SLCO3A1: variants seen among roughly 807,000 people sequenced by gnomAD.
SLCO3A1 encodes PGE1 transporter.
A neutral mutation model predicts 63.1 loss-of-function variants in SLCO3A1; 27 were observed. The ratio of observed to expected loss-of-function variants is 0.43; its 90% CI spans 0.32 to 0.59. SLCO3A1 has a LOEUF of 0.59. Among genes scored for constraint, SLCO3A1 ranks in the 20% least tolerant of loss-of-function variants. The pLI is 0.09. For missense variants in SLCO3A1, 773 were observed against 945.8 expected, an observed-to-expected ratio of 0.82 and a Z score of 2.40; for synonymous variants, 473 against 409.9, an observed-to-expected ratio of 1.15 and a Z score of -1.86.
intron 3 of SLCO3A1, chr15:92,098,313 A>C (rs2047564241): frequency 6.6e-6 from 1 of 152,294 alleles, no homozygotes; most frequent in South Asian, 2.1e-4. Context: ...CCTTGCCTGG[A>C]GGTCCCAGCT....
intron 1 of SLCO3A1, chr15:91,888,962 T>G (rs1897797743): frequency 3.5e-6 from 1 of 283,138 alleles, no homozygotes; most frequent in Non-Finnish European, 6.6e-6. Flanking sequence ...GGAGCTGTGA[T>G]CATGCTATTG....
At chr15:92,171,840 A>C in exon 11 of SLCO3A1, 1 of 1,551,550 alleles carries the variant, frequency 6.4e-7, no homozygotes, top group East Asian at 2.4e-5. Flanking sequence ...TCACCTTCAG[A>C]AGACTCCTTT....
intron 2 of SLCO3A1, among the ~76,000 whole-genome samples, chr15:92,029,599 A>T (rs1367904341): frequency 6.6e-6 from 1 of 152,196 alleles, no homozygotes; most frequent in Non-Finnish European, 1.5e-5. Context: ...TAAGCAGGAA[A>T]ATAAGAATCA....
intron 1 of SLCO3A1, among the ~76,000 whole-genome samples, chr15:91,867,001 G>A (rs947214461): frequency 3.9e-5 from 6 of 152,194 alleles, no homozygotes; most frequent in Admixed American, 3.9e-4. Flanking sequence ...TGGCTGCGGA[G>A]AGTCATTGGA....
chr15:92,073,844 G>A (rs1455227639), intron 2 of SLCO3A1, among the ~76,000 whole-genome samples: 1 of 152,208 alleles, frequency 6.6e-6, no homozygotes, highest in East Asian at 1.9e-4. Context: ...GGGCAAAGTT[G>A]CCACTGGTTA....
intron 2 of SLCO3A1, among the ~76,000 whole-genome samples, chr15:92,053,318 C>T (rs1703590338): frequency 6.6e-6 from 1 of 152,130 alleles, no homozygotes; most frequent in Non-Finnish European, 1.5e-5. Flanking sequence ...AATAGATTTA[C>T]AGAAGAGTTC....
chr15:92,147,314 A>G (rs1168238075), intron 8 of SLCO3A1, among the ~76,000 whole-genome samples, 155 bp downstream of exon 8: 2 of 152,084 alleles, frequency 1.3e-5, no homozygotes, highest in African/African-American at 4.8e-5. Context: ...GATAGGAATC[A>G]ATTATGTTTG....
chr15:92,055,093 G>A lies in SLCO3A1; in HGVS notation c.647-39788G>A, dbSNP rs188098208. ...ACAGTGTAAAAGCATTCCTATTCCT[G>A]CACAGCCTTGCCAGCATTTATTATT... On this transcript the variant is annotated intron_variant, in intron 2 of 9. Coordinates refer to ENST00000318445, the MANE Select transcript of SLCO3A1 (RefSeq NM_013272.4). Among the ~76,000 whole-genome samples the A allele has an allele frequency of 7.2e-5, 11 of 152,216 alleles. No homozygotes were observed. The East Asian group carries it at 1.5e-3, about 21-fold the overall frequency.
At chr15:91,944,214 C>T (rs1899721661) in intron 2 of SLCO3A1, among the ~76,000 whole-genome samples, 1 of 129,790 alleles carries the variant, frequency 7.7e-6, no homozygotes, top group Admixed American at 8.2e-5. Flanking sequence ...TAAGTGTTCA[C>T]CATTATTTGT....
intron 3 of SLCO3A1, among the ~76,000 whole-genome samples, chr15:92,096,987 G>C (rs914943200): frequency 5.9e-5 from 9 of 152,156 alleles, no homozygotes; most frequent in Admixed American, 5.9e-4. Flanking sequence ...CGTATAGACA[G>C]GCCAGCTTCC....
intron 2 of SLCO3A1, among the ~76,000 whole-genome samples, chr15:92,058,220 G>C (rs992937661): frequency 1.3e-5 from 2 of 152,092 alleles, no homozygotes; most frequent in African/African-American, 4.8e-5. Flanking sequence ...TCTAGAAGGT[G>C]GAGGGTGTTT....
intron 1 of SLCO3A1, among the ~76,000 whole-genome samples, chr15:91,857,266 C>T (rs780958457): frequency 6.6e-6 from 1 of 152,118 alleles, no homozygotes; most frequent in Non-Finnish European, 1.5e-5. Flanking sequence ...AGACACTGAT[C>T]CTGAAAGCCA....
chr15:92,114,842 C>G (rs964415517), intron 4 of SLCO3A1, among the ~76,000 whole-genome samples: 1 of 152,082 alleles, frequency 6.6e-6, no homozygotes, highest in Non-Finnish European at 1.5e-5. Flanking sequence ...GACCTTAGTT[C>G]AAATCCACCC....
chr15:91,922,387 T>C (rs1053458366), intron 2 of SLCO3A1, among the ~76,000 whole-genome samples: 2 of 152,216 alleles, frequency 1.3e-5, no homozygotes, highest in Admixed American at 1.3e-4. Flanking sequence ...CACGTTTTCT[T>C]TGTTTATCAC....
chr15:92,080,725 A>G lies in SLCO3A1; in HGVS notation c.647-14156A>G, dbSNP rs143008684. On this transcript the variant is annotated intron_variant, in intron 2 of 9. Coordinates refer to ENST00000318445, the MANE Select transcript of SLCO3A1 (RefSeq NM_013272.4). ...TGAGTGCTCACACTCGTGGCGGCAT[A>G]CAGTGCTGCTTTGGCTGGCTTTACG... is the stretch of plus-strand genomic sequence containing the variant. 1.4e-3 allele frequency among the ~76,000 whole-genome samples: 218 copies of G among 152,314 alleles called. 2 individuals are homozygous for G. The highest frequency in any genetic ancestry group is 4.9e-3 in the African/African-American group (202 of 41,576).
Position 92,164,772 on chromosome 15 carries a change from G to A in SLCO3A1, c.*1637G>A. On this transcript the variant is annotated 3_prime_UTR_variant, in exon 10 of 10. Transcript: ENST00000318445. ...AGAGAATGAACCTGTTATGATTTGG[G>A]GTAAGAATCACGTTGGAAAACCTCT... 1.0e-6 allele frequency: 1 copy of A among 985,396 alleles called. No individual in the cohort carries two copies. The highest frequency in any genetic ancestry group is 1.2e-6 in the Non-Finnish European group (1 of 829,952). 61.0% of individuals were successfully genotyped at this position (985,396 alleles called of 1,614,324 possible).
At chr15:92,120,342 TG>T in intron 4 of SLCO3A1, 122 bp from the exon 5 acceptor site, 1 of 965,178 alleles carries the variant, frequency 1.0e-6, no homozygotes. Flanking sequence ...TGGGTACCTC[TG>T]GATGCTGTTT....
intron 4 of SLCO3A1, among the ~76,000 whole-genome samples, chr15:92,112,002 G>T (rs1272543217): frequency 2.0e-5 from 3 of 152,194 alleles, no homozygotes; most frequent in Admixed American, 6.5e-5. Context: ...TAGCTACTTG[G>T]CTAATGCTTC....
rs117854074 is a variant in SLCO3A1 at position 91,911,924 on chromosome 15, C to T, written c.181-4069C>T. Among the ~76,000 whole-genome samples, 343 of 152,112 alleles carry T rather than the reference C, an allele frequency of 2.3e-3. 4 individuals are homozygous for T. The East Asian group carries it at 0.058, about 26-fold the overall frequency. ...ACAGTCGTGAGCCACTGCGCCCGGC[C>T]GGGACATCTATATTTTTAACAATTG... On this transcript the variant is annotated intron_variant, in intron 1 of 9. Coordinates refer to ENST00000318445, the MANE Select transcript of SLCO3A1 (RefSeq NM_013272.4).
Sources: allele counts gnomAD v4.1 joint callset (sites outside exome capture counted in the v4.1 genomes callset), GRCh38; gene constraint gnomAD v4.1.1; transcripts MANE v1.5; gene names NCBI Gene and HGNC (gene_info 2026-07-23, HGNC 2026-07-21).